The following DDR2 variants were observed in gnomAD, a reference collection of about 807,000 sequenced individuals.
The protein encoded by DDR2 is discoidin domain receptor tyrosine kinase 2, also known as discoidin domain-containing receptor 2.
DDR2 carries 27 observed loss-of-function variants against 94.9 expected under a neutral mutation model. The observed-to-expected ratio is 0.28, with a 90% confidence interval of 0.21 to 0.39. The LOEUF is 0.39. Among genes scored for constraint, DDR2 ranks in the 10% least tolerant of loss-of-function variants. DDR2 has a pLI of 1.00. For synonymous variants in DDR2, 382 were observed against 377.2 expected (o/e 1.01, Z -0.15); for missense variants, 783 against 1,076.0 (o/e 0.73, Z 3.81).
At chr1:162,699,365 C>T (rs1358793954) in intron 2 of DDR2, among the ~76,000 whole-genome samples, 11 of 152,178 alleles carry the variant, frequency 7.2e-5, no homozygotes, top group East Asian at 1.9e-4. Context: ...TCCAATTCTG[C>T]GTAGTCTCTG....
intron 2 of DDR2, among the ~76,000 whole-genome samples, chr1:162,665,314 C>A (rs985152634): frequency 6.6e-6 from 1 of 152,146 alleles, no homozygotes; most frequent in Non-Finnish European, 1.5e-5. Flanking sequence ...AGATGGAACA[C>A]CTGTAAAACA....
In DDR2 at chr1:162,782,713, C is replaced by G. The variant is rs1647970825; in HGVS notation, c.*2467C>G. 1 of 152,048 alleles carries G rather than the reference C, an allele frequency of 6.6e-6. No individual in the cohort carries two copies. The highest frequency in any genetic ancestry group is 2.1e-4 in the South Asian group (1 of 4,806). 9.4% of individuals were successfully genotyped at this position (152,048 alleles called of 1,614,324 possible). ...CTTATTCTTTTTTATGATTCTGCAC[C>G]AGTTCACTGGGTTATTCTATGATTC... On this transcript the variant is annotated 3_prime_UTR_variant, in exon 18 of 18. Coordinates refer to ENST00000367921, the MANE Select transcript of DDR2 (RefSeq NM_006182.4).
chr1:162,682,243 A>G (rs1478623769), intron 2 of DDR2, among the ~76,000 whole-genome samples: 1 of 152,044 alleles, frequency 6.6e-6, no homozygotes, highest in Non-Finnish European at 1.5e-5. Context: ...CTCCTTTTTT[A>G]ACTGGCCAGG....
At chr1:162,710,998 T>A (rs1038691874) in intron 2 of DDR2, among the ~76,000 whole-genome samples, 2 of 152,128 alleles carry the variant, frequency 1.3e-5, no homozygotes, top group African/African-American at 4.8e-5. Context: ...AGTGTCAAGA[T>A]CCCTGGGGGA....
chr1:162,650,175 C>A (rs1238697687), intron 1 of DDR2, among the ~76,000 whole-genome samples: 1 of 152,100 alleles, frequency 6.6e-6, no homozygotes, highest in Non-Finnish European at 1.5e-5. Flanking sequence ...CAACCCTTCT[C>A]TTGAATGCCA....
In DDR2 at chr1:162,776,289, C is replaced by T. The variant is rs750975464; in HGVS notation, c.2202C>T (p.Asn734=). Residue 734 remains asparagine, a synonymous_variant, in exon 16 of 18, where the codon AAC becomes AAT. Coordinates refer to ENST00000367921, the MANE Select transcript of DDR2 (RefSeq NM_006182.4). The part of the protein sequence containing the change: ...IKIADFGMSR[N]LYSGDYYRIQ... The stretch of plus-strand genomic sequence containing the variant: ...TAGCTGACTTTGGAATGAGCAGGAA[C>T]CTGTACAGTGGTGACTATTACCGGA... The T allele has an allele frequency of 2.5e-6, 4 of 1,613,982 alleles. No homozygotes were observed. In the South Asian group the frequency reaches 4.4e-5, roughly 18 times the overall value.
At position 162,773,599 on chromosome 1, in the gene DDR2, C is replaced by T. The variant is rs1171024104; in HGVS notation, c.1856+3C>T. The T allele has an allele frequency of 6.2e-7, 1 of 1,613,868 alleles. No homozygotes were observed. The highest frequency in any genetic ancestry group is 2.2e-5 in the East Asian group (1 of 44,874). On this transcript the variant is annotated splice_donor_region_variant and intron_variant, in intron 14 of 17. Transcript: ENST00000367921. ...GCAGATGCCAACAAGAATGCCAGGT[C>T]TGTGGTCTACATTTTGAATTTTCCT... is the stretch of plus-strand genomic sequence containing the variant.
At chr1:162,686,200 A>T (rs543617550) in intron 2 of DDR2, among the ~76,000 whole-genome samples, 1 of 150,358 alleles carries the variant, frequency 6.7e-6, no homozygotes, top group South Asian at 2.1e-4. Context: ...TAATTTTTGT[A>T]TTTTTTTTTT....
intron 8 of DDR2, 120 bp downstream of exon 8, chr1:162,760,099 T>A: frequency 7.7e-7 from 1 of 1,303,334 alleles, no homozygotes; most frequent in Non-Finnish European, 1.1e-6. Context: ...ATTCTGTTAC[T>A]AACTAGCTAA....
intron 2 of DDR2, among the ~76,000 whole-genome samples, chr1:162,675,467 G>A (rs1172411548): frequency 6.6e-6 from 1 of 152,218 alleles, no homozygotes; most frequent in African/African-American, 2.4e-5. Flanking sequence ...AAAAGGAACA[G>A]GTGAGCAAGG....
At chr1:162,702,927 C>G (rs55854235) in intron 2 of DDR2, among the ~76,000 whole-genome samples, 205 of 152,090 alleles carry the variant, frequency 1.3e-3, no homozygotes, top group African/African-American at 4.0e-3. Context: ...CTCTCTCTCT[C>G]TGTGTGTGTG....
At chr1:162,664,729 A>G (rs1204553016) in intron 2 of DDR2, among the ~76,000 whole-genome samples, 1 of 152,232 alleles carries the variant, frequency 6.6e-6, no homozygotes, top group Non-Finnish European at 1.5e-5. Context: ...TCCTTATGCA[A>G]TTGAAAAGTC....
At chr1:162,689,615 T>C (rs1372896325) in intron 2 of DDR2, among the ~76,000 whole-genome samples, 1 of 151,430 alleles carries the variant, frequency 6.6e-6, no homozygotes, top group Non-Finnish European at 1.5e-5. Context: ...TTTAAATTGA[T>C]GGGCTGCTGG....
At chr1:162,686,201 T>C (rs1334211236) in intron 2 of DDR2, among the ~76,000 whole-genome samples, 1 of 48,368 alleles carries the variant, frequency 2.1e-5, no homozygotes, top group African/African-American at 3.2e-5. Context: ...AATTTTTGTA[T>C]TTTTTTTTTA....
At chr1:162,722,860 G>C (rs1360213920) in intron 3 of DDR2, among the ~76,000 whole-genome samples, 1 of 152,144 alleles carries the variant, frequency 6.6e-6, no homozygotes, top group Non-Finnish European at 1.5e-5. Flanking sequence ...GAACTTTATA[G>C]CCCATACTGG....
intron 2 of DDR2, among the ~76,000 whole-genome samples, chr1:162,701,353 C>A (rs2101995602): frequency 6.6e-6 from 1 of 152,350 alleles, no homozygotes; most frequent in Admixed American, 6.5e-5. Context: ...TGGAAGGTAA[C>A]AATGATCAGC....
intron 9 of DDR2, among the ~76,000 whole-genome samples, chr1:162,765,592 T>A (rs1412330442): frequency 2.0e-5 from 3 of 152,022 alleles, no homozygotes; most frequent in Admixed American, 2.0e-4. Context: ...GAGACTCTTT[T>A]ATAAACAATC....
intron 2 of DDR2, among the ~76,000 whole-genome samples, chr1:162,710,807 C>T (rs915786141): frequency 6.6e-6 from 1 of 151,820 alleles, no homozygotes; most frequent in Non-Finnish European, 1.5e-5. Context: ...ATTTGCCTGC[C>T]CCAACTTGAC....
intron 4 of DDR2, among the ~76,000 whole-genome samples, chr1:162,753,670 A>C (rs114865857): frequency 0.01 from 1,561 of 151,930 alleles, 24 homozygotes; most frequent in African/African-American, 0.036. Flanking sequence ...CAAGTTCTCC[A>C]CCTCTCTCAA....
Sources: gnomAD v4.1 joint callset for allele counts (sites outside exome capture counted in the v4.1 genomes callset) on GRCh38, gnomAD v4.1.1 for gene constraint, MANE v1.5 for transcripts, NCBI Gene and HGNC (gene_info 2026-07-23, HGNC 2026-07-21) for gene names.